HIVEP2: variants seen among roughly 807,000 people sequenced by gnomAD.
HIVEP2 encodes transcription factor HIVEP2.
A neutral mutation model predicts 180.7 loss-of-function variants in HIVEP2; 14 were observed. The ratio of observed to expected loss-of-function variants is 0.08; its 90% CI spans 0.05 to 0.12. HIVEP2 has a LOEUF of 0.12. HIVEP2 is among the 10% of genes least tolerant of loss of function. The pLI is 1.00. For synonymous variants in HIVEP2, 1,184 were observed against 1,136.4 expected, an observed-to-expected ratio of 1.04 and a Z score of -0.84; for missense variants, 2,579 against 3,008.5, an observed-to-expected ratio of 0.86 and a Z score of 3.34.
chr6:142,935,145 GAAGCCCGCAACT>G (rs754140518), intron 1 of HIVEP2, among the ~76,000 whole-genome samples: 2 of 152,202 alleles, frequency 1.3e-5, no homozygotes, highest in Non-Finnish European at 2.9e-5. Flanking sequence ...TAGAGCCTGG[GAAGCCCGCAACT>G]ATGGGTTTAA....
rs751324989 is a variant in HIVEP2 at position 142,759,849 on chromosome 6, T to C, written c.6439A>G (p.Arg2147Gly). Residue 2147 changes from arginine to glycine, a missense_variant, in exon 9 of 10, where the codon AGA becomes GGA. Coordinates refer to ENST00000367603, the MANE Select transcript of HIVEP2 (RefSeq NM_006734.4). Reference protein sequence around the residue: ...YMTTIRAPSPRRALYHNPPLS... With the variant: ...YMTTIRAPSPGRALYHNPPLS... The stretch of plus-strand genomic sequence containing the variant: ...GGTGGGTTATGGTATAAAGCCCTTC[T>C]GGGAGATGGCGCTCTTATTGTGGTC... 1.2e-6 allele frequency: 2 copies of C among 1,614,146 alleles called. No homozygotes were observed. Among genetic ancestry groups the C allele is most frequent in the Non-Finnish European group, 1.7e-6 (2 of 1,179,972 alleles).
chr6:142,905,855 G>T (rs1777247842), intron 1 of HIVEP2, among the ~76,000 whole-genome samples: 2 of 152,208 alleles, frequency 1.3e-5, no homozygotes, highest in African/African-American at 2.4e-5. Flanking sequence ...AATCAGTCCG[G>T]GCGTGGTGGC....
chr6:142,775,152 T>C (rs1380611473), intron 4 of HIVEP2, 27 bp from the exon 5 acceptor site: 49 of 875,300 alleles, frequency 5.6e-5, no homozygotes, highest in Non-Finnish European at 6.3e-5. Flanking sequence ...TACAAAGAGA[T>C]TGTCATAACA....
chr6:142,900,742 G>A (rs1202177445), intron 1 of HIVEP2, among the ~76,000 whole-genome samples: 1 of 152,188 alleles, frequency 6.6e-6, no homozygotes, highest in Non-Finnish European at 1.5e-5. Context: ...AAAGACCAGA[G>A]TGCAGCTGAT....
intron 1 of HIVEP2, among the ~76,000 whole-genome samples, chr6:142,906,246 A>C (rs1342101271): frequency 1.3e-5 from 2 of 152,218 alleles, no homozygotes; most frequent in African/African-American, 4.8e-5. Context: ...GATAATCTAG[A>C]TTAGGTAAAG....
chr6:142,863,094 A>G lies in HIVEP2; in HGVS notation c.-640-26047T>C, dbSNP rs1776048167. 2.1e-5 allele frequency among the ~76,000 whole-genome samples: 3 copies of G among 145,150 alleles called. No homozygotes were observed. The South Asian group carries it at 6.3e-4, about 30-fold the overall frequency. On this transcript the variant is annotated intron_variant, in intron 1 of 9. Coordinates refer to ENST00000367603, the MANE Select transcript of HIVEP2 (RefSeq NM_006734.4). Reference sequence around the variant, plus strand: ...GTAATTATATGTAATATATAATTACATATAATAAATATATTACATAATATA... The same window carrying G: ...GTAATTATATGTAATATATAATTACGTATAATAAATATATTACATAATATA...
At chr6:142,911,972 G>A (rs1777420634) in intron 1 of HIVEP2, among the ~76,000 whole-genome samples, 1 of 152,190 alleles carries the variant, frequency 6.6e-6, no homozygotes, top group Non-Finnish European at 1.5e-5. Flanking sequence ...AAAAGCAAAA[G>A]CCAATCAAAG....
At chr6:142,838,843 T>C (rs1775289964) in intron 1 of HIVEP2, among the ~76,000 whole-genome samples, 1 of 152,186 alleles carries the variant, frequency 6.6e-6, no homozygotes, top group Admixed American at 6.5e-5. Flanking sequence ...TATGTAATTC[T>C]TGCCTCGTAA....
Position 142,770,844 on chromosome 6 carries a change from A to G in HIVEP2, c.3895T>C (p.Ser1299Pro), listed in dbSNP as rs1161705007. 1.2e-6 allele frequency: 2 copies of G among 1,614,190 alleles called. No homozygotes were observed. Among genetic ancestry groups the G allele is most frequent in the Non-Finnish European group, 1.7e-6 (2 of 1,180,022 alleles). Reference sequence around the variant, plus strand: ...TCAGTTGACTTACTGCTCTGGTCTGATGGAAACTTTGGAAGAAGGTTCTTT... The same window carrying G: ...TCAGTTGACTTACTGCTCTGGTCTGGTGGAAACTTTGGAAGAAGGTTCTTT... The part of the protein sequence containing the change: ...HPKNLLPKFP[S>P]DQSSKSTETP... Residue 1299 changes from serine to proline, a missense_variant, in exon 5 of 10, where the codon TCA becomes CCA. Physicochemically the swap from Ser to Pro is moderately conservative, Grantham distance 74. Around this residue, in one of 11 missense-constraint regions of HIVEP2, gnomAD observed 523 missense variants for 577.0 expected, o/e 0.91. Transcript: ENST00000367603. The surrounding 1 kb of genome is among the most constrained non-coding windows in gnomAD (Gnocchi z 4.7).
chr6:142,852,739 T>C (rs1270565498), intron 1 of HIVEP2, among the ~76,000 whole-genome samples: 2 of 152,206 alleles, frequency 1.3e-5, no homozygotes, highest in African/African-American at 2.4e-5. Flanking sequence ...CTAGTTTAGG[T>C]AGACTTAACA....
intron 1 of HIVEP2, among the ~76,000 whole-genome samples, chr6:142,918,051 A>C (rs1241159250): frequency 6.7e-6 from 1 of 150,096 alleles, no homozygotes; most frequent in Non-Finnish European, 1.5e-5. Flanking sequence ...GGGATTATAG[A>C]CGTGAGCCAT....
At chr6:142,934,756 G>C (rs1778014733) in intron 1 of HIVEP2, among the ~76,000 whole-genome samples, 1 of 152,204 alleles carries the variant, frequency 6.6e-6, no homozygotes, top group Non-Finnish European at 1.5e-5. Context: ...ACATTGCTGA[G>C]TTGCAAAAAC....
intron 1 of HIVEP2, among the ~76,000 whole-genome samples, chr6:142,883,974 C>CT (rs1354807708): frequency 2.0e-5 from 3 of 152,044 alleles, no homozygotes; most frequent in Non-Finnish European, 4.4e-5. Context: ...TTTCTTTCTC[C>CT]TTTAATCCCT....
rs1269273663 is a variant in HIVEP2 at position 142,793,656 on chromosome 6, C to CTTTCTTTCTTTCTTTCTTTT, written c.-527-10042_-527-10041insAAAAGAAAGAAAGAAAGAAA. ...TCTTTCTTTCTTTCTTTCTTTCTTT[C>CTTTCTTTCTTTCTTTCTTTT]TTTTTTCTTTCTTTCTTTCTCTCTC... is the stretch of plus-strand genomic sequence containing the variant. On this transcript the variant is annotated intron_variant, in intron 2 of 9. Transcript: ENST00000367603. Among the ~76,000 whole-genome samples, 39 of 77,344 alleles carry CTTTCTTTCTTTCTTTCTTTT rather than the reference C, an allele frequency of 5.0e-4. No individual in the cohort carries two copies. In the East Asian group the frequency reaches 5.9e-3, roughly 12 times the overall value. The allele number at this position is 77,344 out of a possible 152,430, so 50.7% of individuals were successfully genotyped here.
chr6:142,820,152 T>C (rs891010683), intron 2 of HIVEP2, among the ~76,000 whole-genome samples: 2 of 152,228 alleles, frequency 1.3e-5, no homozygotes, highest in African/African-American at 4.8e-5. Flanking sequence ...AACATTGTCA[T>C]ACTTTCCACT....
chr6:142,858,340 C>CT (rs1775881183), intron 1 of HIVEP2, among the ~76,000 whole-genome samples: 1 of 152,068 alleles, frequency 6.6e-6, no homozygotes, highest in Non-Finnish European at 1.5e-5. Flanking sequence ...TCCCCCCTCT[C>CT]CCCTACCTAA....
At chr6:142,767,813 G>A (rs1318605745) in intron 6 of HIVEP2, among the ~76,000 whole-genome samples, 1 of 152,148 alleles carries the variant, frequency 6.6e-6, no homozygotes, top group Non-Finnish European at 1.5e-5. Flanking sequence ...TAAATACAGA[G>A]AAAGTGTCAT....
chr6:142,795,202 T>C (rs1399738468), intron 2 of HIVEP2, among the ~76,000 whole-genome samples: 2 of 152,148 alleles, frequency 1.3e-5, no homozygotes, highest in African/African-American at 4.8e-5. Context: ...AATTAAAAAA[T>C]TGTTTTTAGT....
chr6:142,816,924 G>A (rs555439089), intron 2 of HIVEP2, among the ~76,000 whole-genome samples: 103 of 151,642 alleles, frequency 6.8e-4, no homozygotes, highest in Non-Finnish European at 1.1e-3. Context: ...ACACAAACAC[G>A]CTATCTCTCT....
Sources: allele counts gnomAD v4.1 joint callset (sites outside exome capture counted in the v4.1 genomes callset), GRCh38; gene constraint gnomAD v4.1.1; regional missense constraint gnomAD v4.1.1; non-coding constraint Gnocchi (gnomAD v3.1); transcripts MANE v1.5; gene names NCBI Gene and HGNC (gene_info 2026-07-23, HGNC 2026-07-21).